DCUN1D4: variants seen among roughly 807,000 people sequenced by gnomAD.
DCUN1D4 encodes DCN1-like protein 4.
Under a neutral mutation model 47.9 loss-of-function variants are expected in DCUN1D4, and 22 were observed. The observed-to-expected ratio is 0.46, with a 90% CI of 0.33 to 0.66. The LOEUF is 0.66. Among genes scored for constraint, DCUN1D4 ranks in the 30% least tolerant of loss-of-function variants. The pLI is 0.02. For synonymous variants in DCUN1D4, 121 were observed against 112.2 expected (o/e 1.08, Z -0.50); for missense variants, 301 against 340.8 (o/e 0.88, Z 0.92).
intron 1 of DCUN1D4, 22 bp downstream of exon 1, chr4:51,843,289 A>C (rs1201580241): frequency 6.6e-7 from 1 of 1,524,588 alleles, no homozygotes; most frequent in African/African-American, 1.4e-5. Context: ...AGAGCCAGCC[A>C]GCGGGCCGGG....
chr4:51,885,509 T>G (rs913048755), intron 5 of DCUN1D4, among the ~76,000 whole-genome samples: 3 of 149,230 alleles, frequency 2.0e-5, no homozygotes, highest in African/African-American at 7.7e-5. Context: ...TGTTTGAAAA[T>G]GTGAAATGCG....
intron 3 of DCUN1D4, among the ~76,000 whole-genome samples, chr4:51,865,789 G>A (rs1376580515): frequency 6.6e-6 from 1 of 152,150 alleles, no homozygotes; most frequent in Non-Finnish European, 1.5e-5. Flanking sequence ...GGAGACTGAA[G>A]TAACAGTGTT....
Position 51,845,032 on chromosome 4 carries a change from G to A in DCUN1D4, c.25+1765G>A, listed in dbSNP as rs1393631623. 7 of 985,370 alleles carry A rather than the reference G, an allele frequency of 7.1e-6. No individual in the cohort carries two copies. In the Admixed American group the frequency reaches 1.8e-4, roughly 26 times the overall value. 61.0% of individuals were successfully genotyped at this position (985,370 alleles called of 1,614,324 possible). On this transcript the variant is annotated intron_variant, in intron 1 of 10. Coordinates refer to ENST00000334635, the MANE Select transcript of DCUN1D4 (RefSeq NM_001040402.3). ...AGCCCTCTTCACGCTTAGGTTCTTGGTCCCCAAGTGAATTTCCCCCTGCAT... is the reference window on the plus strand; with the variant it reads ...AGCCCTCTTCACGCTTAGGTTCTTGATCCCCAAGTGAATTTCCCCCTGCAT...
chr4:51,858,779 C>G (rs2109866976), intron 1 of DCUN1D4, among the ~76,000 whole-genome samples: 1 of 152,356 alleles, frequency 6.6e-6, no homozygotes, highest in African/African-American at 2.4e-5. Flanking sequence ...AAATCCAGCC[C>G]TACCACCTGG....
chr4:51,877,100 C>A (rs1727834848), intron 4 of DCUN1D4, among the ~76,000 whole-genome samples: 1 of 152,038 alleles, frequency 6.6e-6, no homozygotes, highest in Non-Finnish European at 1.5e-5. Context: ...TGATTCAGTT[C>A]TCTAGTTTAT....
intron 6 of DCUN1D4, 67 bp from the exon 7 acceptor site, chr4:51,891,693 T>G: frequency 1.6e-6 from 2 of 1,246,208 alleles, no homozygotes; most frequent in South Asian, 1.4e-5. Flanking sequence ...TAATGACAGA[T>G]CTATTTGTTT....
At chr4:51,845,883 ATATC>A (rs1269133230) in intron 1 of DCUN1D4, among the ~76,000 whole-genome samples, 1 of 152,160 alleles carries the variant, frequency 6.6e-6, no homozygotes, top group East Asian at 1.9e-4. Context: ...GAGATCATTT[ATATC>A]TATCTGTCAT....
At chr4:51,864,367 G>A (rs1725564362) in intron 3 of DCUN1D4, among the ~76,000 whole-genome samples, 1 of 152,158 alleles carries the variant, frequency 6.6e-6, no homozygotes, top group South Asian at 2.1e-4. Context: ...CCAGAAACTT[G>A]CATTTGATCT....
At chr4:51,861,807 A>G (rs759962246) in intron 1 of DCUN1D4, among the ~76,000 whole-genome samples, 4 of 152,040 alleles carry the variant, frequency 2.6e-5, no homozygotes, top group Non-Finnish European at 5.9e-5. Context: ...ATGGCTTGGT[A>G]GTGGATGGGG....
chr4:51,844,923 C>G, intron 1 of DCUN1D4: 1 of 985,560 alleles, frequency 1.0e-6, no homozygotes, highest in Non-Finnish European at 1.2e-6. Context: ...CTCCTGCGCG[C>G]TCTCGGGAGG....
At chr4:51,839,313 T>C (rs1169732289), upstream of DCUN1D4, among the ~76,000 whole-genome samples, 3 of 152,128 alleles carry the variant, frequency 2.0e-5, no homozygotes, top group African/African-American at 7.2e-5. Context: ...TCTGGCTACT[T>C]AGGGGCACGT....
the DCUN1D4 span, among the ~76,000 whole-genome samples, chr4:51,837,910 C>T: frequency 1.2e-4 from 18 of 152,118 alleles, no homozygotes; most frequent in Non-Finnish European, 2.2e-4. Context: ...GGCACTATTG[C>T]TCATACCTGC....
intron 1 of DCUN1D4, among the ~76,000 whole-genome samples, chr4:51,851,306 A>G (rs189248975): frequency 7.0e-4 from 106 of 152,282 alleles, no homozygotes; most frequent in African/African-American, 2.2e-3. Context: ...GCTAGGTTAG[A>G]TGGATGCCCC....
rs371090923 is a variant in DCUN1D4 at position 51,844,497 on chromosome 4, G to C, written c.25+1230G>C. The C allele has an allele frequency of 9.9e-4, 768 of 775,096 alleles. 6 individuals are homozygous for C. Among genetic ancestry groups the C allele is most frequent in the African/African-American group, 8.0e-3 (425 of 53,288 alleles). 48.0% of individuals were successfully genotyped at this position (775,096 alleles called of 1,614,324 possible). On this transcript the variant is annotated intron_variant, in intron 1 of 10. Transcript: ENST00000334635. ...GCGGGAGCCGGAGGGGTCGGGCCCT[G>C]ATGGCCGGGTCGGGGGCTTGGCGCC...
chr4:51,842,968 G>C (rs537115558), upstream of DCUN1D4: 6 of 1,028,482 alleles, frequency 5.8e-6, no homozygotes, highest in Non-Finnish European at 7.6e-6. Flanking sequence ...GGGCGTTACG[G>C]AGACAAGGCC....
At chr4:51,847,908 T>G (rs1722799385) in intron 1 of DCUN1D4, among the ~76,000 whole-genome samples, 1 of 152,164 alleles carries the variant, frequency 6.6e-6, no homozygotes, top group South Asian at 2.1e-4. Context: ...TTATTTCCCC[T>G]CCCCAATTAG....
At chr4:51,858,082 GC>G (rs1489080501) in intron 1 of DCUN1D4, among the ~76,000 whole-genome samples, 1 of 152,146 alleles carries the variant, frequency 6.6e-6, no homozygotes, top group African/African-American at 2.4e-5. Context: ...TGAAGATGGG[GC>G]TCTGTTGGTC....
intron 1 of DCUN1D4, among the ~76,000 whole-genome samples, chr4:51,861,127 T>G (rs1359473696): frequency 6.6e-6 from 1 of 152,156 alleles, no homozygotes; most frequent in Non-Finnish European, 1.5e-5. Flanking sequence ...ACAACAACAT[T>G]ATGAAGGAGA....
intron 4 of DCUN1D4, 111 bp downstream of exon 4, chr4:51,874,496 C>T: frequency 1.7e-6 from 1 of 589,010 alleles, no homozygotes; most frequent in Non-Finnish European, 2.8e-6. Context: ...GTGGAATGGG[C>T]TTTGCCAGTC....
Sources: allele counts gnomAD v4.1 joint callset (sites outside exome capture counted in the v4.1 genomes callset), GRCh38; gene constraint gnomAD v4.1.1; transcripts MANE v1.5; gene names NCBI Gene and HGNC (gene_info 2026-07-23, HGNC 2026-07-21).